PKIB: variants seen among roughly 807,000 people sequenced by gnomAD.
PKIB encodes the protein PKI-beta.
PKIB carries 2 observed loss-of-function variants against 4.5 expected under a neutral mutation model. The ratio of observed to expected loss-of-function variants is 0.44; its 90% CI spans 0.18 to 1.39. The LOEUF (loss-of-function observed/expected upper bound fraction) is 1.39, where lower values mean the gene tolerates loss of function less well. PKIB is among the 40% of genes most tolerant of loss of function. The pLI is 0.27. For synonymous variants in PKIB, 38 were observed against 36.0 expected (o/e 1.06, Z -0.20); for missense variants, 94 against 92.6 (o/e 1.02, Z -0.06).
intron 2 of PKIB, among the ~76,000 whole-genome samples, chr6:122,549,581 C>T (rs1772608391): frequency 6.6e-6 from 1 of 152,012 alleles, no homozygotes. Flanking sequence ...TACATCAGTT[C>T]AGTGAGTGTG....
intron 3 of PKIB, among the ~76,000 whole-genome samples, chr6:122,711,083 AAGG>A (rs1165635296): frequency 1.3e-5 from 2 of 152,068 alleles, no homozygotes; most frequent in African/African-American, 4.8e-5. Context: ...TATTCATCTA[AAGG>A]AGAAGTGAAA....
chr6:122,688,379 T>C (rs1778178358), intron 3 of PKIB, among the ~76,000 whole-genome samples: 1 of 152,190 alleles, frequency 6.6e-6, no homozygotes, highest in African/African-American at 2.4e-5. Flanking sequence ...GATTTTTGGA[T>C]TGATATTCTT....
intron 3 of PKIB, among the ~76,000 whole-genome samples, chr6:122,715,934 C>T (rs6909199): frequency 1.1e-3 from 170 of 152,070 alleles, no homozygotes; most frequent in African/African-American, 4.0e-3. Context: ...ACCTCTCTGA[C>T]CCCCCAGTTT....
chr6:122,579,897 C>CA, intron 2 of PKIB, among the ~76,000 whole-genome samples: 1 of 152,056 alleles, frequency 6.6e-6, no homozygotes, highest in Non-Finnish European at 1.5e-5. Flanking sequence ...TCTTCTCAGT[C>CA]AGAGAAATTA....
chr6:122,498,737 G>A (rs900896298), intron 2 of PKIB, among the ~76,000 whole-genome samples: 4 of 152,192 alleles, frequency 2.6e-5, no homozygotes, highest in Admixed American at 6.5e-5. Flanking sequence ...TGAATGAAAC[G>A]AAGAGGCAAA....
At chr6:122,631,302 T>A (rs972130377) in intron 1 of PKIB, among the ~76,000 whole-genome samples, 2 of 152,226 alleles carry the variant, frequency 1.3e-5, no homozygotes, top group Admixed American at 1.3e-4. Context: ...CAATTGAGAT[T>A]TGTCACTGTT....
At position 122,715,919 on chromosome 6, in the gene PKIB, G is replaced by A. The variant is rs141675256; in HGVS notation, c.-8-1868G>A. 1.6e-4 allele frequency among the ~76,000 whole-genome samples: 25 copies of A among 151,978 alleles called. No individual in the cohort carries two copies. The East Asian group carries it at 3.9e-3, about 24-fold the overall frequency. On this transcript the variant is annotated intron_variant, in intron 3 of 4. Coordinates refer to ENST00000368452, the MANE Select transcript of PKIB (RefSeq NM_181795.3). ...GCAGCTGTGCAACTTTAAATGAGTC[G>A]CTTAACCTCTCTGACCCCCCAGTTT... is the stretch of plus-strand genomic sequence containing the variant.
chr6:122,472,729 A>G (rs1028723266), intron 1 of PKIB, among the ~76,000 whole-genome samples: 11 of 152,326 alleles, frequency 7.2e-5, no homozygotes, highest in Middle Eastern at 3.4e-3. Context: ...ACTCCTAGTT[A>G]TTGTAACCAC....
At chr6:122,586,332 A>G (rs1239832377) in intron 3 of PKIB, among the ~76,000 whole-genome samples, 1 of 152,132 alleles carries the variant, frequency 6.6e-6, no homozygotes, top group Non-Finnish European at 1.5e-5. Flanking sequence ...TGATACCATC[A>G]TATGATTTTT....
At chr6:122,482,595 G>A (rs1447861542) in intron 2 of PKIB, 1 of 129,122 alleles carries the variant, frequency 7.7e-6, no homozygotes, top group Non-Finnish European at 1.5e-5. Context: ...CTGTCACCCA[G>A]GCTGGAGTGC....
At chr6:122,570,920 C>G (rs1434979533) in intron 2 of PKIB, among the ~76,000 whole-genome samples, 1 of 151,828 alleles carries the variant, frequency 6.6e-6, no homozygotes, top group Middle Eastern at 3.2e-3. Flanking sequence ...CTTTGAAATA[C>G]CAGACAAGTC....
intron 3 of PKIB, among the ~76,000 whole-genome samples, chr6:122,692,026 A>G (rs759234359): frequency 6.6e-6 from 1 of 152,148 alleles, no homozygotes; most frequent in Non-Finnish European, 1.5e-5. Context: ...CTCTTGCTTT[A>G]CTTTCTCCCA....
chr6:122,617,909 AC>A (rs1775061653), intron 1 of PKIB, among the ~76,000 whole-genome samples: 1 of 152,108 alleles, frequency 6.6e-6, no homozygotes, highest in African/African-American at 2.4e-5. Flanking sequence ...GATGTTTTTT[AC>A]ATTAATGTAA....
intron 2 of PKIB, among the ~76,000 whole-genome samples, chr6:122,506,369 A>C (rs1232200368): frequency 6.6e-6 from 1 of 152,162 alleles, no homozygotes; most frequent in African/African-American, 2.4e-5. Flanking sequence ...TCATTTTTTT[A>C]AAGATTATAT....
intron 2 of PKIB, among the ~76,000 whole-genome samples, chr6:122,536,669 A>G (rs897231557): frequency 1.3e-5 from 2 of 152,166 alleles, no homozygotes; most frequent in African/African-American, 4.8e-5. Context: ...GATTTTATTT[A>G]TGAAAAAACT....
intron 2 of PKIB, among the ~76,000 whole-genome samples, chr6:122,532,958 A>G (rs559249355): frequency 1.4e-3 from 214 of 152,114 alleles, no homozygotes; most frequent in African/African-American, 5.0e-3. Context: ...ATCTTTTCAT[A>G]TGTTTGTTGG....
chr6:122,524,487 A>G (rs197695), intron 2 of PKIB, among the ~76,000 whole-genome samples: 97,940 of 151,728 alleles, frequency 0.65, 32,046 homozygotes, highest in South Asian at 0.83. Flanking sequence ...GTATCAGGTA[A>G]TGCCTCATAG....
intron 2 of PKIB, among the ~76,000 whole-genome samples, chr6:122,641,680 C>T (rs1776126755): frequency 6.6e-6 from 1 of 151,980 alleles, no homozygotes; most frequent in African/African-American, 2.4e-5. Flanking sequence ...AGAGGCATTC[C>T]TTGTTACTGC....
intron 2 of PKIB, among the ~76,000 whole-genome samples, chr6:122,663,804 GTACTGGGGGT>G (rs1363839984): frequency 2.0e-5 from 3 of 152,064 alleles, no homozygotes; most frequent in African/African-American, 7.2e-5. Flanking sequence ...ATATTCACAT[GTACTGGGGGT>G]TAGGAGTTTA....
Sources: gnomAD v4.1 joint callset for allele counts (sites outside exome capture counted in the v4.1 genomes callset) on GRCh38, gnomAD v4.1.1 for gene constraint, MANE v1.5 for transcripts, NCBI Gene and HGNC (gene_info 2026-07-23, HGNC 2026-07-21) for gene names.